Variants in CEL observed in about 807,000 individuals in gnomAD.
CEL encodes bile salt-activated lipase.
In CEL, 39 loss-of-function variants were observed where a neutral mutation model predicts 57.1. The ratio of observed to expected loss-of-function variants is 0.68; its 90% CI spans 0.53 to 0.89. The LOEUF is 0.89. CEL is among the 40% of genes least tolerant of loss of function. The probability of loss-of-function intolerance (pLI) is 0.00; values close to 1 mark genes in which losing one functional copy is unlikely to be tolerated. For missense variants in CEL, 698 were observed against 915.0 expected (o/e 0.76, Z 3.06); for synonymous variants, 314 against 396.6 (o/e 0.79, Z 2.48).
chr9:133,067,425 G>A (rs1184377934), intron 7 of CEL, among the ~76,000 whole-genome samples: 2 of 152,070 alleles, frequency 1.3e-5, no homozygotes, highest in Non-Finnish European at 2.9e-5. Flanking sequence ...CCAGGCTGGA[G>A]TGCAGTGTCA....
At chr9:133,070,753 T>C in intron 10 of CEL, 95 bp downstream of exon 10, 1 of 1,529,300 alleles carries the variant, frequency 6.5e-7, no homozygotes, top group Non-Finnish European at 9.0e-7. Context: ...GGAGGGACTT[T>C]GGGCAAGTCA....
Position 133,071,736 on chromosome 9 carries a change from C to T in CEL, c.2234C>T (p.Ala745Val). 6.2e-7 allele frequency: 1 copy of T among 1,612,498 alleles called. No individual in the cohort carries two copies. The highest frequency in any genetic ancestry group is 8.5e-7 in the Non-Finnish European group (1 of 1,179,522). ...CCCCCCACAGATGACTCCAAGGAAG[C>T]TCAGATGCCTGCAGTCATTAGGTTT... is the stretch of plus-strand genomic sequence containing the variant. Reference protein sequence around the residue: ...PVPPTDDSKEAQMPAVIRF With the variant: ...PVPPTDDSKEVQMPAVIRF Residue 745 changes from alanine to valine, a missense_variant, in exon 11 of 11, where the codon GCT becomes GTT. Ala to Val is a moderately conservative substitution (Grantham distance 64, BLOSUM62 0). This residue lies in a region of CEL where 238 missense variants were observed against 213.7 expected (regional missense o/e 1.11). Coordinates refer to ENST00000372080, the MANE Select transcript of CEL (RefSeq NM_001807.6).
intron 1 of CEL, 48 bp from the exon 2 acceptor site, chr9:133,064,356 G>A: frequency 6.2e-7 from 1 of 1,610,072 alleles, no homozygotes. Context: ...CCGGATTCAG[G>A]CCGATGGGGC....
In CEL at chr9:133,070,626, G is replaced by A; in HGVS notation, c.1452G>A (p.Met484Ile). The change falls in exon 10 of 11, where the codon ATG (methionine) becomes ATA (isoleucine). Residue 484 changes from methionine to isoleucine, a missense_variant. By Grantham distance (10) the Met-to-Ile change is conservative (BLOSUM62 1). This residue lies in a region of CEL where 111 missense variants were observed against 147.3 expected (regional missense o/e 0.75). Transcript: ENST00000372080. ...AAGACAGGACAGTCTCTAAGGCCAT[G>A]ATCGCCTACTGGACCAACTTTGCCA... ...RPQDRTVSKA[M>I]IAYWTNFAKT... is the part of the protein sequence containing the mutation. 6.2e-7 allele frequency: 1 copy of A among 1,614,202 alleles called. No individual in the cohort carries two copies. Among genetic ancestry groups the A allele is most frequent in the South Asian group, 1.1e-5 (1 of 91,082 alleles).
Position 133,066,907 on chromosome 9 carries a change from T to C in CEL, c.739T>C (p.Trp247Arg). 1 of 1,383,832 alleles carries C rather than the reference T, an allele frequency of 7.2e-7. No homozygotes were observed. Among genetic ancestry groups the C allele is most frequent in the South Asian group, 1.1e-5 (1 of 87,894 alleles). The allele number at this position is 1,383,832 out of a possible 1,614,324, so 85.7% of individuals were successfully genotyped here. Reference sequence around the variant, plus strand: ...CCAGAGCGGCGTGGCCCTGAGTCCCTGGGTCATCCAGAAAAACCCACTCTT... The same window carrying C: ...CCAGAGCGGCGTGGCCCTGAGTCCCCGGGTCATCCAGAAAAACCCACTCTT... The part of the protein sequence containing the change: ...ISQSGVALSP[W>R]VIQKNPLFWA... Residue 247 changes from tryptophan (W) to arginine (R), a missense_variant, in exon 6 of 11, where the codon TGG becomes CGG. Trp to Arg is a moderately radical substitution (Grantham distance 101). This residue lies in a region of CEL where 327 missense variants were observed against 374.1 expected (regional missense o/e 0.87). Transcript: ENST00000372080. This position sits in a 1 kb window ranked among gnomAD's most constrained non-coding sequence, Gnocchi z 4.3.
rs962540582 is a variant in CEL at position 133,066,188 on chromosome 9, G to C, written c.539-342G>C. Reference sequence around the variant, plus strand: ...GAGGGACTGGGGCAGGGGCAGGAGAGGTGCATGGGCCTGACCATCCTGCCC... The same window carrying C: ...GAGGGACTGGGGCAGGGGCAGGAGACGTGCATGGGCCTGACCATCCTGCCC... On this transcript the variant is annotated intron_variant, in intron 4 of 10. Transcript: ENST00000372080. The surrounding 1 kb of genome is among the most constrained non-coding windows in gnomAD (Gnocchi z 4.3). 1.3e-5 allele frequency among the ~76,000 whole-genome samples: 2 copies of C among 152,082 alleles called. No homozygotes were observed. The highest frequency in any genetic ancestry group is 4.8e-5 in the African/African-American group (2 of 41,402).
chr9:133,066,630 G>T lies in CEL; in HGVS notation c.639G>T (p.Glu213Asp). 6.2e-7 allele frequency: 1 copy of T among 1,613,732 alleles called. No homozygotes were observed. Among genetic ancestry groups the T allele is most frequent in the Non-Finnish European group, 8.5e-7 (1 of 1,179,982 alleles). Reference sequence around the variant, plus strand: ...CCAACAACATCACGCTCTTCGGGGAGTCTGCTGGAGGTGCCAGCGTCTCTC... The same window carrying T: ...CCAACAACATCACGCTCTTCGGGGATTCTGCTGGAGGTGCCAGCGTCTCTC... The part of the protein sequence containing the change: ...GDPNNITLFG[E>D]SAGGASVSLQ... The change falls in exon 5 of 11, where the codon GAG becomes GAT. Residue 213 changes from glutamate (E) to aspartate (D), a missense_variant. Glu to Asp is a conservative substitution (Grantham distance 45, BLOSUM62 2). Around this residue, in one of 6 missense-constraint regions of CEL, gnomAD observed 327 missense variants for 374.1 expected, o/e 0.87. Transcript: ENST00000372080. The surrounding 1 kb of genome is among the most constrained non-coding windows in gnomAD (Gnocchi z 4.3).
intron 1 of CEL, 106 bp from the exon 2 acceptor site, chr9:133,064,298 A>T: frequency 1.3e-6 from 2 of 1,487,580 alleles, no homozygotes; most frequent in Non-Finnish European, 1.8e-6. Flanking sequence ...TCCTGCTTTG[A>T]AGCTGTCTTT....
Position 133,064,758 on chromosome 9 carries a change from G to A in CEL, c.336G>A (p.Lys112=). 6.2e-7 allele frequency: 1 copy of A among 1,613,996 alleles called. No individual in the cohort carries two copies. The highest frequency in any genetic ancestry group is 8.5e-7 in the Non-Finnish European group (1 of 1,180,016). ...YLNIWVPQGR[K]QVSRDLPVMI... is the part of the protein sequence containing the mutation. ...ACATTTGGGTGCCCCAGGGCAGGAAGCAAGGTCTGCCTCCCCTCTACTCCC... is the reference window on the plus strand; with the variant it reads ...ACATTTGGGTGCCCCAGGGCAGGAAACAAGGTCTGCCTCCCCTCTACTCCC... The change falls in exon 3 of 11, where the codon AAG becomes AAA. Residue 112 remains lysine, a synonymous_variant. Coordinates refer to ENST00000372080, the MANE Select transcript of CEL (RefSeq NM_001807.6).
At chr9:133,063,461 G>A (rs1283689947) in intron 1 of CEL, among the ~76,000 whole-genome samples, 1 of 152,198 alleles carries the variant, frequency 6.6e-6, no homozygotes, top group Non-Finnish European at 1.5e-5. Context: ...AGACTTCAGA[G>A]GGCTGCTGGG....
rs530872881 is a variant in CEL, at chr9:133,067,977, G to A, written c.896-695G>A. 3.3e-5 allele frequency among the ~76,000 whole-genome samples: 5 copies of A among 152,320 alleles called. No individual in the cohort carries two copies. The South Asian group carries it at 6.2e-4, about 19-fold the overall frequency. ...CTCTGCATGTCAGCCTTACCAGCTTGCTACGCTAAGGCTGTCCCTCACTCA... is the reference window on the plus strand; with the variant it reads ...CTCTGCATGTCAGCCTTACCAGCTTACTACGCTAAGGCTGTCCCTCACTCA... On this transcript the variant is annotated intron_variant, in intron 7 of 10. Transcript: ENST00000372080.
In CEL at chr9:133,071,576, GT is replaced by G; in HGVS notation, c.2075del (p.Val692GlyfsTer12). 9.6e-7 allele frequency: 1 copy of G among 1,046,018 alleles called. No individual in the cohort carries two copies. The highest frequency in any genetic ancestry group is 3.0e-5 in the East Asian group (1 of 32,852). The allele number at this position is 1,046,018 out of a possible 1,614,324, so 64.8% of individuals were successfully genotyped here. A position where few individuals can be genotyped will look rare whatever the true frequency, so the allele number is the denominator to read the frequency against. ...PPTGDSGAPP[V>X]PPTGDSGAPP... ...CACGGGTGACTCCGGCGCCCCCCCC[GT>G]GCCGCCCACGGGTGACTCCGGGGCC... is the stretch of plus-strand genomic sequence containing the variant. On this transcript the variant is annotated frameshift_variant, in exon 11 of 11. Transcript: ENST00000372080. LOFTEE classifies it high-confidence loss of function.
intron 1 of CEL, 130 bp from the exon 2 acceptor site, chr9:133,064,274 C>T: frequency 1.6e-6 from 2 of 1,242,258 alleles, no homozygotes; most frequent in South Asian, 1.3e-5. Context: ...GCCTGGGTCT[C>T]CTGTGCAGAG....
Position 133,071,580 on chromosome 9 carries a change from C to T in CEL, c.2078C>T (p.Pro693Leu), listed in dbSNP as rs1484928460. ...PTGDSGAPPV[P>L]PTGDSGAPPV... ...GGTGACTCCGGCGCCCCCCCCGTGC[C>T]GCCCACGGGTGACTCCGGGGCCCCC... Residue 693 changes from proline to leucine, a missense_variant, in exon 11 of 11, where the codon CCG becomes CTG. By Grantham distance (98) the Pro-to-Leu change is moderately conservative. This residue lies in a region of CEL where 238 missense variants were observed against 213.7 expected (regional missense o/e 1.11). Coordinates refer to ENST00000372080, the MANE Select transcript of CEL (RefSeq NM_001807.6). 2.5e-6 allele frequency: 3 copies of T among 1,221,348 alleles called. No individual in the cohort carries two copies. The highest frequency in any genetic ancestry group is 2.8e-4 in the Middle Eastern group (1 of 3,636). 75.7% of individuals were successfully genotyped at this position (1,221,348 alleles called of 1,614,324 possible).
chr9:133,065,846 CA>C (rs34365056), intron 4 of CEL, among the ~76,000 whole-genome samples: 6,967 of 75,780 alleles, frequency 0.092, 194 homozygotes, highest in African/African-American at 0.19. Context: ...AACTCTGTCT[CA>C]AAAAAAAAAA....
chr9:133,068,688 T>C lies in CEL; in HGVS notation c.912T>C (p.Tyr304=), dbSNP rs1353912568. The C allele has an allele frequency of 6.2e-7, 1 of 1,612,010 alleles. No individual in the cohort carries two copies. Among genetic ancestry groups the C allele is most frequent in the African/African-American group, 1.3e-5 (1 of 74,424 alleles). ...LAGLEYPMLH[Y]VGFVPVIDGD... ...CCCACCCAGACCCCATGCTGCACTA[T>C]GTGGGCTTCGTCCCTGTCATTGATG... The change falls in exon 8 of 11, where the codon TAT becomes TAC. Residue 304 remains tyrosine (Y), a synonymous_variant. Transcript: ENST00000372080.
At position 133,066,720 on chromosome 9, in the gene CEL, A is replaced by C. The variant is rs1588489895; in HGVS notation, c.669+60A>C. 23 of 1,310,328 alleles carry C rather than the reference A, an allele frequency of 1.8e-5. No homozygotes were observed. Among genetic ancestry groups the C allele is most frequent in the East Asian group, 7.7e-5 (3 of 38,978 alleles). The allele number at this position is 1,310,328 out of a possible 1,614,324, so 81.2% of individuals were successfully genotyped here. A position where few individuals can be genotyped will look rare whatever the true frequency, so the allele number is the denominator to read the frequency against. On this transcript the variant is annotated intron_variant, in intron 5 of 10. Transcript: ENST00000372080. This position sits in a 1 kb window ranked among gnomAD's most constrained non-coding sequence, Gnocchi z 4.3. ...AGGTTGAGAGGAAGCTCAAACGGGA[A>C]GGGGAGGGTGGGAGGAGGAGCGTGG...
rs748906749 is a variant in CEL, at chr9:133,067,161, G to A, written c.851G>A (p.Arg284Gln). Residue 284 changes from arginine to glutamine, a missense_variant, in exon 7 of 11, where the codon CGA becomes CAA. By Grantham distance (43) the Arg-to-Gln change is conservative (BLOSUM62 1). Transcript: ENST00000372080. ...CAGTGTCTGAAGGTTACTGATCCCCGAGCCCTGACGCTGGCCTATAAGGTG... is the reference window on the plus strand; with the variant it reads ...CAGTGTCTGAAGGTTACTGATCCCCAAGCCCTGACGCTGGCCTATAAGGTG... ...MAQCLKVTDP[R>Q]ALTLAYKVPL... 7.4e-6 allele frequency: 12 copies of A among 1,613,874 alleles called. No individual in the cohort carries two copies. The highest frequency in any genetic ancestry group is 5.3e-5 in the African/African-American group (4 of 74,898).
rs1288508462 is a variant in CEL, at chr9:133,070,522, T to C, written c.1348T>C (p.Trp450Arg). ...HPSRMPVYPK[W>R]VGADHADDIQ... is the part of the protein sequence containing the mutation. The stretch of plus-strand genomic sequence containing the variant: ...CTCTCGGATGCCCGTCTACCCCAAA[T>C]GGGTGGGGGCCGACCATGCAGATGA... The change falls in exon 10 of 11, where the codon TGG (tryptophan) becomes CGG (arginine). Residue 450 changes from tryptophan to arginine, a missense_variant. Transcript: ENST00000372080. 6.2e-7 allele frequency: 1 copy of C among 1,613,764 alleles called. No homozygotes were observed. The highest frequency in any genetic ancestry group is 1.3e-5 in the African/African-American group (1 of 74,810).
Sources: allele counts gnomAD v4.1 joint callset (sites outside exome capture counted in the v4.1 genomes callset), GRCh38; gene constraint gnomAD v4.1.1; regional missense constraint gnomAD v4.1.1; non-coding constraint Gnocchi (gnomAD v3.1); transcripts MANE v1.5; gene names NCBI Gene and HGNC (gene_info 2026-07-23, HGNC 2026-07-21).